The following OR3A2 variants were observed in gnomAD, a reference collection of about 807,000 sequenced individuals.
OR3A2 encodes the protein olfactory receptor family 3 subfamily A member 2, also known as olfactory receptor 3A2.
For synonymous variants in OR3A2, 126 were observed against 159.3 expected (o/e 0.79, Z 1.57); for missense variants, 318 against 392.8 (o/e 0.81, Z 1.61).
chr17:3,299,507 A>T (rs1446428830), intron 3 of OR3A2, among the ~76,000 whole-genome samples: 5 of 152,134 alleles, frequency 3.3e-5, no homozygotes, highest in Non-Finnish European at 5.9e-5. Flanking sequence ...TTCCCACTGT[A>T]ATTCTCTAGG....
At chr17:3,384,120 T>C (rs1230345732) in intron 1 of OR3A2, among the ~76,000 whole-genome samples, 4 of 152,120 alleles carry the variant, frequency 2.6e-5, no homozygotes, top group African/African-American at 9.7e-5. Context: ...CCTGACTTAG[T>C]CCATCCTCCA....
upstream of OR3A2, among the ~76,000 whole-genome samples, chr17:3,285,172 T>C (rs2048800728): frequency 6.6e-6 from 1 of 152,062 alleles, no homozygotes; most frequent in Admixed American, 6.5e-5. Context: ...AGGTGGCAGG[T>C]TAATGAACAG....
chr17:3,352,770 C>A (rs1449545783), intron 2 of OR3A2, among the ~76,000 whole-genome samples: 1 of 151,700 alleles, frequency 6.6e-6, no homozygotes, highest in African/African-American at 2.4e-5. Flanking sequence ...GGATTTTTTT[C>A]TATTTCTGTG....
intron 2 of OR3A2, among the ~76,000 whole-genome samples, chr17:3,343,256 G>A (rs2049335609): frequency 6.6e-6 from 1 of 152,146 alleles, no homozygotes; most frequent in South Asian, 2.1e-4. Context: ...ACCCTCTGTG[G>A]GCTGCTCCCA....
chr17:3,366,519 T>C (rs57033715), intron 2 of OR3A2, among the ~76,000 whole-genome samples: 1,546 of 152,312 alleles, frequency 0.01, 27 homozygotes, highest in African/African-American at 0.035. Flanking sequence ...TAAAAATTGT[T>C]ACAGTTTCTT....
At chr17:3,308,128 C>T (rs1348720027) in intron 3 of OR3A2, among the ~76,000 whole-genome samples, 1 of 152,098 alleles carries the variant, frequency 6.6e-6, no homozygotes, top group Admixed American at 6.5e-5. Context: ...TTTGACAAGT[C>T]CATAACATTT....
chr17:3,314,676 A>C (rs1182491446), intron 3 of OR3A2, among the ~76,000 whole-genome samples: 1 of 152,212 alleles, frequency 6.6e-6, no homozygotes, highest in East Asian at 1.9e-4. Flanking sequence ...AATTTTAAAA[A>C]ATTAAATACA....
chr17:3,311,369 C>G lies in OR3A2; in HGVS notation c.-85+24664G>C. The G allele has an allele frequency of 1.9e-6, 1 of 525,506 alleles. No homozygotes were observed. The highest frequency in any genetic ancestry group is 1.4e-5 in the South Asian group (1 of 70,932). The allele number at this position is 525,506 out of a possible 1,614,324, so 32.6% of individuals were successfully genotyped here. A position where few individuals can be genotyped will look rare whatever the true frequency, so the allele number is the denominator to read the frequency against. On this transcript the variant is annotated intron_variant, in intron 3 of 4. Coordinates refer to the OR3A2 transcript ENST00000573491. The surrounding 1 kb of genome is among the most constrained non-coding windows in gnomAD (Gnocchi z 4.6). ...GCCATGGCCTATGACCGCTACCTGG[C>G]TATCTGTCAGCTTCTCACCAACAGC...
chr17:3,349,768 C>T (rs1288892608), intron 2 of OR3A2, among the ~76,000 whole-genome samples: 2 of 151,504 alleles, frequency 1.3e-5, no homozygotes, highest in Non-Finnish European at 2.9e-5. Flanking sequence ...CCAAAATTGA[C>T]CACATACTTG....
At chr17:3,375,415 G>C (rs1385209455) in intron 2 of OR3A2, among the ~76,000 whole-genome samples, 1 of 149,574 alleles carries the variant, frequency 6.7e-6, no homozygotes, top group Non-Finnish European at 1.5e-5. Flanking sequence ...TGATTCTCCT[G>C]CCTCAGCCTC....
In OR3A2 at chr17:3,300,851, C is replaced by A. The variant is rs369519293; in HGVS notation, c.-84-21698G>T. Among the ~76,000 whole-genome samples, 41 of 140,514 alleles carry A rather than the reference C, an allele frequency of 2.9e-4. No individual in the cohort carries two copies. In the East Asian group the frequency reaches 8.1e-3, roughly 28 times the overall value. 92.2% of individuals were successfully genotyped at this position (140,514 alleles called of 152,430 possible). A position where few individuals can be genotyped will look rare whatever the true frequency, so the allele number is the denominator to read the frequency against. On this transcript the variant is annotated intron_variant, in intron 3 of 4. Coordinates refer to the OR3A2 transcript ENST00000573491. ...TGCTGTCCCTCCCCCCTCCCCCCAT[C>A]CCACGACAGGCCCTGGTGTGTGATG...
At chr17:3,332,794 C>T (rs984097790) in intron 3 of OR3A2, among the ~76,000 whole-genome samples, 2 of 152,174 alleles carry the variant, frequency 1.3e-5, no homozygotes. Context: ...TTTATCAGTT[C>T]CCAAATAATA....
At chr17:3,333,195 G>A (rs1377260638) in intron 3 of OR3A2, among the ~76,000 whole-genome samples, 7 of 152,170 alleles carry the variant, frequency 4.6e-5, no homozygotes, top group African/African-American at 7.2e-5. Context: ...TCTGTCTTAT[G>A]CAGTTGAGAT....
At chr17:3,362,480 T>C (rs1044675144) in intron 2 of OR3A2, among the ~76,000 whole-genome samples, 2 of 151,800 alleles carry the variant, frequency 1.3e-5, no homozygotes, top group Non-Finnish European at 2.9e-5. Flanking sequence ...TGTTTGCTCT[T>C]GCTTCTCTAG....
In OR3A2 at chr17:3,367,601, G is replaced by GTATA. The variant is rs553464584; in HGVS notation, c.-179+16199_-179+16202dup. ...TGTATATGTATATGTGTGTGTGTGTGTATATATATATATATATATATGCCA... is the reference window on the plus strand; with the variant it reads ...TGTATATGTATATGTGTGTGTGTGTGTATATATATATATATATATATATATGCCA... On this transcript the variant is annotated intron_variant, in intron 2 of 4. Coordinates refer to the OR3A2 transcript ENST00000573491. 2.3e-3 allele frequency among the ~76,000 whole-genome samples: 280 copies of GTATA among 122,368 alleles called. 12 individuals are homozygous for GTATA. The highest frequency in any genetic ancestry group is 5.0e-3 in the Admixed American group (60 of 12,020). The allele number at this position is 122,368 out of a possible 152,430, so 80.3% of individuals were successfully genotyped here.
At chr17:3,366,472 T>C (rs2049564494) in intron 2 of OR3A2, among the ~76,000 whole-genome samples, 1 of 152,222 alleles carries the variant, frequency 6.6e-6, no homozygotes, top group African/African-American at 2.4e-5. Context: ...CCACAGTTCC[T>C]GGATGCCACA....
At chr17:3,348,495 A>G (rs1227707257) in intron 2 of OR3A2, among the ~76,000 whole-genome samples, 1 of 152,194 alleles carries the variant, frequency 6.6e-6, no homozygotes, top group Non-Finnish European at 1.5e-5. Context: ...GAATAAAAAG[A>G]AACGAGCAAA....
rs1305456422 is a variant in OR3A2, at chr17:3,372,850, AGAGGGAGAGGGAGAGGGAGAG to A, written c.-179+10933_-179+10953del. Among the ~76,000 whole-genome samples, 23 of 8,500 alleles carry A rather than the reference AGAGGGAGAGGGAGAGGGAGAG, an allele frequency of 2.7e-3. No homozygotes were observed. The East Asian group carries it at 0.21, about 79-fold the overall frequency. The allele number at this position is 8,500 out of a possible 152,430, so 5.6% of individuals were successfully genotyped here. A position where few individuals can be genotyped will look rare whatever the true frequency, so the allele number is the denominator to read the frequency against. ...AGGGAGAGGGAGGAGAAGGAGAAGG[AGAGGGAGAGGGAGAGGGAGAG>A]GGAGAGGGAGAGGGAGAGGGAGAGG... is the stretch of plus-strand genomic sequence containing the variant. On this transcript the variant is annotated intron_variant, in intron 2 of 4. Transcript: ENST00000573491.
chr17:3,291,810 C>T (rs2048871184), intron 3 of OR3A2: 3 of 1,613,850 alleles, frequency 1.9e-6, no homozygotes, highest in Non-Finnish European at 2.5e-6. Flanking sequence ...GTTAAAGATA[C>T]CTGAACCATA....
Sources: gnomAD v4.1 joint callset for allele counts (sites outside exome capture counted in the v4.1 genomes callset) on GRCh38, gnomAD v4.1.1 for gene constraint, Gnocchi (gnomAD v3.1) non-coding constraint, MANE v1.5 for transcripts, NCBI Gene and HGNC (gene_info 2026-07-23, HGNC 2026-07-21) for gene names.